Variants in PRICKLE2 observed in about 807,000 individuals in gnomAD.
The protein encoded by PRICKLE2 is prickle-like protein 2.
In PRICKLE2, 21 loss-of-function variants were observed where a neutral mutation model predicts 81.4. The ratio of observed to expected loss-of-function variants is 0.26; its 90% CI spans 0.18 to 0.37. The LOEUF is 0.37. PRICKLE2 is among the 10% of genes least tolerant of loss of function. PRICKLE2 has a pLI of 1.00. For synonymous variants in PRICKLE2, 456 were observed against 421.5 expected (o/e 1.08, Z -1.00); for missense variants, 940 against 1,109.0 (o/e 0.85, Z 2.16).
At chr3:64,266,219 A>G (rs1230331901) in intron 2 of PRICKLE2, among the ~76,000 whole-genome samples, 1 of 151,870 alleles carries the variant, frequency 6.6e-6, no homozygotes, top group Non-Finnish European at 1.5e-5. Flanking sequence ...AAAAAGCTAA[A>G]CCAAATGATT....
intron 1 of PRICKLE2, among the ~76,000 whole-genome samples, chr3:64,222,099 T>C (rs2078964617): frequency 6.6e-6 from 1 of 152,182 alleles, no homozygotes; most frequent in South Asian, 2.1e-4. Context: ...ATCCAGTCAG[T>C]ACCAGGAATT....
chr3:64,099,170 T>C lies in PRICKLE2; in HGVS notation c.2416A>G (p.Ser806Gly), dbSNP rs1481689588. Residue 806 changes from serine (S) to glycine (G), a missense_variant, in exon 8 of 8, where the codon AGC becomes GGC. Physicochemically the swap from Ser to Gly is moderately conservative, Grantham distance 56. Transcript: ENST00000638394. The surrounding 1 kb of genome is among the most constrained non-coding windows in gnomAD (Gnocchi z 4.3). ...CTGTATTTGTGCAGCAGCTCATCGC[T>C]TGTGACGTATCGCAGGCGCGCTGGC... ...PQPARLRYVT[S>G]DELLHKYSSY... 1.9e-6 allele frequency: 3 copies of C among 1,614,248 alleles called. No individual in the cohort carries two copies. The highest frequency in any genetic ancestry group is 2.2e-5 in the South Asian group (2 of 91,088).
intron 1 of PRICKLE2, among the ~76,000 whole-genome samples, chr3:64,224,370 A>C (rs1170360819): frequency 6.6e-6 from 1 of 152,200 alleles, no homozygotes; most frequent in Non-Finnish European, 1.5e-5. Flanking sequence ...CATAGAGGGC[A>C]AACCGAATCA....
chr3:64,182,708 T>C (rs1316558037), intron 2 of PRICKLE2: 1 of 152,088 alleles, frequency 6.6e-6, no homozygotes, highest in African/African-American at 2.4e-5. Context: ...AATTACACTG[T>C]CTCAGGTATT....
chr3:64,155,884 T>C (rs909362286), intron 5 of PRICKLE2, among the ~76,000 whole-genome samples: 11 of 151,916 alleles, frequency 7.2e-5, no homozygotes, highest in African/African-American at 2.4e-4. Flanking sequence ...AAATGAGGAG[T>C]GACTGCTAAT....
chr3:64,241,859 T>C (rs913145513), intron 2 of PRICKLE2, among the ~76,000 whole-genome samples: 4 of 152,118 alleles, frequency 2.6e-5, no homozygotes, highest in African/African-American at 7.2e-5. Context: ...CAAGGGAAAA[T>C]GTTTTATTTT....
chr3:64,148,584 G>A (rs936297197), intron 6 of PRICKLE2, among the ~76,000 whole-genome samples: 7 of 152,156 alleles, frequency 4.6e-5, no homozygotes, highest in Admixed American at 3.3e-4. Context: ...TATGGTGAAT[G>A]TTTTCTTCAG....
intron 7 of PRICKLE2, chr3:64,102,333 G>A (rs2076679760): frequency 6.6e-6 from 1 of 152,278 alleles, no homozygotes; most frequent in East Asian, 1.9e-4. Flanking sequence ...TCATCTGCAT[G>A]TACAGCCACT....
chr3:64,177,733 T>C (rs1318725675), intron 2 of PRICKLE2, among the ~76,000 whole-genome samples: 1 of 152,214 alleles, frequency 6.6e-6, no homozygotes. Context: ...TGTTGTAGCA[T>C]GTGTCAGGAC....
chr3:64,247,925 G>C (rs536655698), intron 2 of PRICKLE2, among the ~76,000 whole-genome samples: 6 of 152,228 alleles, frequency 3.9e-5, no homozygotes, highest in African/African-American at 1.2e-4. Context: ...TTGCCAGCTT[G>C]TTACCAACTA....
intron 2 of PRICKLE2, among the ~76,000 whole-genome samples, chr3:64,168,740 G>A (rs1477403905): frequency 3.3e-5 from 5 of 152,132 alleles, no homozygotes; most frequent in Admixed American, 6.5e-5. Flanking sequence ...GCAGATGGAT[G>A]GGAAAGAAGG....
chr3:64,110,028 T>G (rs977797019), intron 7 of PRICKLE2, among the ~76,000 whole-genome samples: 21 of 152,134 alleles, frequency 1.4e-4, no homozygotes, highest in African/African-American at 5.1e-4. Flanking sequence ...CTTGTAAAAG[T>G]GAAGGAGGAA....
chr3:64,212,541 C>T (rs1249334305), intron 1 of PRICKLE2, among the ~76,000 whole-genome samples: 1 of 152,198 alleles, frequency 6.6e-6, no homozygotes, highest in African/African-American at 2.4e-5. Context: ...TGTTTAGTCT[C>T]TACCTTCTTT....
intron 3 of PRICKLE2, among the ~76,000 whole-genome samples, chr3:64,161,715 T>TAAAAA (rs10715000): frequency 2.5e-5 from 3 of 118,038 alleles, no homozygotes; most frequent in South Asian, 2.9e-4. Context: ...TAAAAAGAGT[T>TAAAAA]AAAAAAAAAA....
rs74742007 is a variant in PRICKLE2 at position 64,206,831 on chromosome 3, T to C, written c.-40-7864A>G. Among the ~76,000 whole-genome samples the C allele has an allele frequency of 4.1e-4, 63 of 152,352 alleles. 1 individual carries two copies. In the East Asian group the frequency reaches 0.012, roughly 28 times the overall value. On this transcript the variant is annotated intron_variant, in intron 1 of 7. Coordinates refer to ENST00000638394, the MANE Select transcript of PRICKLE2 (RefSeq NM_198859.4). ...GGCTAAAATAACCCAAAGCTCTCCA[T>C]TGCTTTTTGCTAAATAACAGATGTA...
chr3:64,218,419 C>A (rs2078904779), intron 1 of PRICKLE2, among the ~76,000 whole-genome samples: 1 of 152,186 alleles, frequency 6.6e-6, no homozygotes, highest in Non-Finnish European at 1.5e-5. Flanking sequence ...TCTCTTATGT[C>A]TGTAAGTTGT....
In PRICKLE2 at chr3:64,240,739, C is replaced by A. The variant is rs1185440692; in HGVS notation, c.129-41772G>T. On this transcript the variant is annotated intron_variant, in intron 2 of 8. Coordinates refer to the PRICKLE2 transcript ENST00000295902. ...AGGGAACTTGTTTAAAGTGTGGATT[C>A]TCAGGCCCTACCCAGACCTACAGAA... 3.3e-5 allele frequency among the ~76,000 whole-genome samples: 5 copies of A among 152,296 alleles called. No homozygotes were observed. In the East Asian group the frequency reaches 9.6e-4, roughly 29 times the overall value.
At chr3:64,138,871 G>A in intron 7 of PRICKLE2, among the ~76,000 whole-genome samples, 1 of 152,174 alleles carries the variant, frequency 6.6e-6, no homozygotes, top group East Asian at 1.9e-4. Flanking sequence ...ATGAAGTAAT[G>A]GGTGCCAGCT....
At chr3:64,209,485 T>G (rs1273091609) in intron 1 of PRICKLE2, among the ~76,000 whole-genome samples, 1 of 151,870 alleles carries the variant, frequency 6.6e-6, no homozygotes, top group Admixed American at 6.6e-5. Context: ...TACATACAAC[T>G]ATATCTATCC....
Sources: gnomAD v4.1 joint callset for allele counts (sites outside exome capture counted in the v4.1 genomes callset) on GRCh38, gnomAD v4.1.1 for gene constraint, Gnocchi (gnomAD v3.1) non-coding constraint, MANE v1.5 for transcripts, NCBI Gene and HGNC (gene_info 2026-07-23, HGNC 2026-07-21) for gene names.